RYK: variants seen among roughly 807,000 people sequenced by gnomAD.
RYK encodes inactive tyrosine-protein kinase RYK.
In RYK, 21 loss-of-function variants were observed where a neutral mutation model predicts 70.2. That is an observed-to-expected ratio of 0.30 (90% CI 0.21 to 0.43). The LOEUF is 0.43. Ranked by LOEUF, RYK falls within the 20% of genes least tolerant of loss-of-function variation. The pLI is 1.00. For missense variants in RYK, 604 were observed against 753.3 expected (o/e 0.80, Z 2.32); for synonymous variants, 267 against 278.0 (o/e 0.96, Z 0.39).
chr3:134,204,591 C>CCACACACACACA lies in RYK; in HGVS notation c.644-1729_644-1718dup, dbSNP rs59154111. On this transcript the variant is annotated intron_variant, in intron 5 of 14. Coordinates refer to ENST00000623711, the MANE Select transcript of RYK (RefSeq NM_002958.4). Reference sequence around the variant, plus strand: ...AAATAACCCAATGACACAGCCACAGCCACACACACACACACACACACACAC... The same window carrying CCACACACACACA: ...AAATAACCCAATGACACAGCCACAGCCACACACACACACACACACACACACACACACACACAC... 3.8e-3 allele frequency among the ~76,000 whole-genome samples: 538 copies of CCACACACACACA among 140,758 alleles called. 7 individuals are homozygous for CCACACACACACA. Among genetic ancestry groups the CCACACACACACA allele is most frequent in the South Asian group, 0.023 (96 of 4,216 alleles). 92.3% of individuals were successfully genotyped at this position (140,758 alleles called of 152,430 possible).
intron 11 of RYK, 44 bp downstream of exon 11, chr3:134,177,897 G>T: frequency 6.5e-7 from 1 of 1,541,636 alleles, no homozygotes; most frequent in East Asian, 2.3e-5. Context: ...GACATTATCA[G>T]AAACTACTGG....
intron 8 of RYK, 41 bp downstream of exon 8, chr3:134,191,808 T>C (rs1245592839): frequency 6.4e-6 from 10 of 1,550,934 alleles, no homozygotes; most frequent in Non-Finnish European, 8.8e-6. Context: ...AGTGGTAACA[T>C]TAAATCATAC....
intron 11 of RYK, among the ~76,000 whole-genome samples, chr3:134,176,545 C>G (rs1250536210): frequency 6.6e-6 from 1 of 151,670 alleles, no homozygotes; most frequent in African/African-American, 2.4e-5. Flanking sequence ...TCGAGACCAA[C>G]CTGGACAACA....
chr3:134,246,656 A>G (rs1030917299), intron 1 of RYK, among the ~76,000 whole-genome samples: 2 of 152,202 alleles, frequency 1.3e-5, no homozygotes, highest in Non-Finnish European at 2.9e-5. Flanking sequence ...TTTCTACTTA[A>G]TATTTTAAAT....
intron 1 of RYK, among the ~76,000 whole-genome samples, chr3:134,248,029 T>G (rs956783833): frequency 3.3e-5 from 5 of 151,720 alleles, no homozygotes; most frequent in African/African-American, 1.2e-4. Flanking sequence ...CTTGTACACA[T>G]CTCAGTACAC....
intron 13 of RYK, among the ~76,000 whole-genome samples, chr3:134,170,332 T>G (rs1210536149): frequency 1.3e-5 from 2 of 152,238 alleles, no homozygotes; most frequent in Non-Finnish European, 2.9e-5. Context: ...CTATTTCAAG[T>G]AAGTTTATGC....
Position 134,195,090 on chromosome 3 carries a change from G to T in RYK, c.881C>A (p.Pro294His). The change falls in exon 7 of 15, where the codon CCT becomes CAT. Residue 294 changes from proline to histidine, a missense_variant. Physicochemically the swap from Pro to His is moderately conservative, Grantham distance 77 (BLOSUM62 -2). This residue lies in a region of RYK where 466 missense variants were observed against 535.9 expected (regional missense o/e 0.87). Transcript: ENST00000623711. ...LRADTPNNATPITSYPTLRIE... is the reference protein window; with the variant it reads ...LRADTPNNATHITSYPTLRIE... ...ATTAAATTAACTCTTACTGGTGATA[G>T]GAGTTGCATTGTTGGGCGTGTCTGC... 1 of 1,607,252 alleles carries T rather than the reference G, an allele frequency of 6.2e-7. No individual in the cohort carries two copies. Among genetic ancestry groups the T allele is most frequent in the East Asian group, 2.2e-5 (1 of 44,834 alleles).
intron 6 of RYK, among the ~76,000 whole-genome samples, chr3:134,201,704 T>C (rs185609518): frequency 6.6e-4 from 100 of 152,106 alleles, no homozygotes; most frequent in Non-Finnish European, 1.1e-3. Context: ...AAGGGCAAAG[T>C]GTGGGGCGAA....
In RYK at chr3:134,196,582, AACACACACACAC is replaced by A. The variant is rs57185535; in HGVS notation, c.789-1412_789-1401del. Among the ~76,000 whole-genome samples, 247 of 128,484 alleles carry A rather than the reference AACACACACACAC, an allele frequency of 1.9e-3. 2 individuals carry two copies. The highest frequency in any genetic ancestry group is 4.5e-3 in the African/African-American group (155 of 34,760). 84.3% of individuals were successfully genotyped at this position (128,484 alleles called of 152,430 possible). ...TAGTGAGACCCTGTCTCTGAAACAA[AACACACACACAC>A]ACACACACACACACACACACACACA... On this transcript the variant is annotated intron_variant, in intron 6 of 14. Coordinates refer to ENST00000623711, the MANE Select transcript of RYK (RefSeq NM_002958.4).
intron 8 of RYK, 108 bp downstream of exon 8, chr3:134,191,741 C>T: frequency 2.4e-6 from 2 of 849,460 alleles, no homozygotes; most frequent in Non-Finnish European, 1.7e-6. Flanking sequence ...GCTTCCTATC[C>T]TTATCTTAGA....
chr3:134,180,331 A>G (rs894208098), intron 10 of RYK: 1 of 152,226 alleles, frequency 6.6e-6, no homozygotes, highest in Non-Finnish European at 1.5e-5. Context: ...TTATTTTCAT[A>G]AATTCCAGTG....
At chr3:134,225,884 A>AAG (rs1553773657) in intron 1 of RYK, among the ~76,000 whole-genome samples, 2,009 of 151,766 alleles carry the variant, frequency 0.013, 23 homozygotes, top group Non-Finnish European at 0.015. Flanking sequence ...AAAAAAAAAA[A>AAG]GATCAAAGGT....
rs1483696155 is a variant in RYK, at chr3:134,177,960, A to G, written c.1286T>C (p.Val429Ala). 22 of 1,611,806 alleles carry G rather than the reference A, an allele frequency of 1.4e-5. No homozygotes were observed. The highest frequency in any genetic ancestry group is 1.5e-5 in the Non-Finnish European group (18 of 1,179,244). ...LKLFLRQCKL[V>A]EANNPQAISQ... ...TCTCACCTGTGGATTATTGGCCTCT[A>G]CTAACTTGCACTGTCGTAAAAACAA... The change falls in exon 11 of 15, where the codon GTA becomes GCA. Residue 429 changes from valine to alanine, a missense_variant. Around this residue, in one of 2 missense-constraint regions of RYK, gnomAD observed 466 missense variants for 535.9 expected, o/e 0.87. Transcript: ENST00000623711.
At chr3:134,221,020 A>G (rs1244674023) in intron 2 of RYK, among the ~76,000 whole-genome samples, 2 of 152,142 alleles carry the variant, frequency 1.3e-5, no homozygotes, top group Non-Finnish European at 2.9e-5. Context: ...TGAGTGAGAG[A>G]AAAAGAAAGA....
chr3:134,218,167 T>C (rs2014616986), intron 2 of RYK, among the ~76,000 whole-genome samples: 1 of 152,118 alleles, frequency 6.6e-6, no homozygotes, highest in South Asian at 2.1e-4. Flanking sequence ...TACTGTCGAG[T>C]GTACCCAGCC....
At chr3:134,244,783 C>T (rs1019865595) in intron 1 of RYK, among the ~76,000 whole-genome samples, 1 of 152,130 alleles carries the variant, frequency 6.6e-6, no homozygotes, top group Admixed American at 6.5e-5. Context: ...CTGTGTCACC[C>T]CAAAATTTCT....
At chr3:134,204,893 C>T (rs536630516) in intron 5 of RYK, among the ~76,000 whole-genome samples, 1 of 152,142 alleles carries the variant, frequency 6.6e-6, no homozygotes, top group South Asian at 2.1e-4. Flanking sequence ...GTGAAGAATG[C>T]CGTGTAGGGG....
chr3:134,201,258 T>C (rs2107674235), intron 6 of RYK, among the ~76,000 whole-genome samples: 1 of 152,360 alleles, frequency 6.6e-6, no homozygotes, highest in African/African-American at 2.4e-5. Flanking sequence ...CGTATCCCTT[T>C]TCTCTTCTTT....
At chr3:134,173,642 C>T (rs181953819) in intron 13 of RYK, among the ~76,000 whole-genome samples, 2 of 152,200 alleles carry the variant, frequency 1.3e-5, no homozygotes, top group African/African-American at 2.4e-5. Flanking sequence ...ACCTGCCCCC[C>T]ATGATCCAAT....
Sources: gnomAD v4.1 joint callset for allele counts (sites outside exome capture counted in the v4.1 genomes callset) on GRCh38, gnomAD v4.1.1 for gene constraint, gnomAD v4.1.1 regional missense constraint, MANE v1.5 for transcripts, NCBI Gene and HGNC (gene_info 2026-07-23, HGNC 2026-07-21) for gene names.